ADGRL3: variants seen among roughly 807,000 people sequenced by gnomAD.
ADGRL3 encodes calcium-independent alpha-latrotoxin receptor 3.
ADGRL3 carries 62 observed loss-of-function variants against 153.5 expected under a neutral mutation model. That is an observed-to-expected ratio of 0.40 (90% confidence interval 0.33 to 0.50). ADGRL3 has a LOEUF of 0.50. ADGRL3 is among the 20% of genes least tolerant of loss of function. The probability of loss-of-function intolerance (pLI) is 0.47; values close to 1 mark genes in which losing one functional copy is unlikely to be tolerated. For synonymous variants in ADGRL3, 710 were observed against 672.5 expected, an observed-to-expected ratio of 1.06 and a Z score of -0.86; for missense variants, 1,641 against 1,859.4, an observed-to-expected ratio of 0.88 and a Z score of 2.16.
chr4:61,833,567 G>C (rs556838279), intron 9 of ADGRL3, among the ~76,000 whole-genome samples: 1 of 152,234 alleles, frequency 6.6e-6, no homozygotes, highest in African/African-American at 2.4e-5. Flanking sequence ...GGGGCCACAA[G>C]ATTAGATGAG....
intron 3 of ADGRL3, among the ~76,000 whole-genome samples, chr4:61,508,045 A>G (rs528178300): frequency 2.6e-5 from 4 of 152,142 alleles, no homozygotes; most frequent in Non-Finnish European, 5.9e-5. Flanking sequence ...TGGTGTTTGG[A>G]AAATCTTACT....
At chr4:61,969,631 T>A (rs2099019635) in intron 17 of ADGRL3, among the ~76,000 whole-genome samples, 1 of 152,072 alleles carries the variant, frequency 6.6e-6, no homozygotes, top group African/African-American at 2.4e-5. Context: ...AGTAGCACAA[T>A]CTTCATACAA....
rs2095933124 is a variant in ADGRL3 at position 61,347,116 on chromosome 4, A to C, written c.-239-36008A>C. Among the ~76,000 whole-genome samples, 4 of 152,140 alleles carry C rather than the reference A, an allele frequency of 2.6e-5. No individual in the cohort carries two copies. The South Asian group carries it at 8.3e-4, about 32-fold the overall frequency. ...TTTCCTAGCACCTTAAATTACATAC[A>C]GTGAGTGTGCTCAGAACCTTAAGTA... On this transcript the variant is annotated intron_variant, in intron 1 of 26. Coordinates refer to ENST00000683033, the MANE Select transcript of ADGRL3 (RefSeq NM_001387552.1).
intron 1 of ADGRL3, among the ~76,000 whole-genome samples, chr4:61,368,080 G>A (rs2096442687): frequency 5.3e-5 from 8 of 151,520 alleles, no homozygotes; most frequent in Admixed American, 4.6e-4. Context: ...CTTTTTGATG[G>A]GGTTGTTTGT....
At chr4:61,401,518 A>G (rs2096929938) in intron 2 of ADGRL3, among the ~76,000 whole-genome samples, 1 of 152,166 alleles carries the variant, frequency 6.6e-6, no homozygotes, top group Non-Finnish European at 1.5e-5. Context: ...CTGTAGGAAC[A>G]TAAAAGCCTG....
chr4:61,882,223 A>G (rs1195104488), intron 9 of ADGRL3, among the ~76,000 whole-genome samples: 2 of 152,210 alleles, frequency 1.3e-5, no homozygotes, highest in Non-Finnish European at 2.9e-5. Flanking sequence ...TAAGAAGGAC[A>G]AATTCATTTC....
intron 1 of ADGRL3, among the ~76,000 whole-genome samples, chr4:61,220,526 C>T (rs534489870): frequency 3.3e-5 from 5 of 152,236 alleles, no homozygotes; most frequent in South Asian, 2.1e-4. Flanking sequence ...ATCTAATACA[C>T]GGGCAGAAGG....
intron 8 of ADGRL3, among the ~76,000 whole-genome samples, chr4:61,759,461 G>C (rs9759648): frequency 6.6e-6 from 1 of 151,982 alleles, no homozygotes; most frequent in Non-Finnish European, 1.5e-5. Flanking sequence ...CAGTTGATCA[G>C]ATCGACTACG....
intron 6 of ADGRL3, among the ~76,000 whole-genome samples, chr4:61,690,010 G>A (rs1580295961): frequency 6.6e-6 from 1 of 152,060 alleles, no homozygotes; most frequent in Admixed American, 6.6e-5. Flanking sequence ...ACATTAAATC[G>A]CTACACACTA....
In ADGRL3 at chr4:61,475,206, G is replaced by A. The variant is rs899851076; in HGVS notation, c.-173-21915G>A. Reference sequence around the variant, plus strand: ...TAGCCTTTATTGCATATCACATGCCGTAAGATGTCTTACTTATTTGTAAAA... The same window carrying A: ...TAGCCTTTATTGCATATCACATGCCATAAGATGTCTTACTTATTTGTAAAA... On this transcript the variant is annotated intron_variant, in intron 2 of 26. Coordinates refer to ENST00000683033, the MANE Select transcript of ADGRL3 (RefSeq NM_001387552.1). 6.6e-5 allele frequency among the ~76,000 whole-genome samples: 10 copies of A among 152,212 alleles called. No individual in the cohort carries two copies. The East Asian group carries it at 9.7e-4, about 15-fold the overall frequency.
chr4:61,939,827 G>C (rs1165394178), intron 15 of ADGRL3, among the ~76,000 whole-genome samples: 3 of 152,028 alleles, frequency 2.0e-5, no homozygotes, highest in Non-Finnish European at 4.4e-5. Context: ...ACCATTTGCT[G>C]TCTCAATTCG....
intron 6 of ADGRL3, among the ~76,000 whole-genome samples, chr4:61,709,033 T>C (rs1036508952): frequency 6.6e-6 from 1 of 152,010 alleles, no homozygotes; most frequent in African/African-American, 2.4e-5. Flanking sequence ...TGGTCTCGAC[T>C]CCTGACCTCA....
At chr4:61,574,229 C>G (rs542514987) in intron 4 of ADGRL3, among the ~76,000 whole-genome samples, 1 of 152,006 alleles carries the variant, frequency 6.6e-6, no homozygotes, top group South Asian at 2.1e-4. Context: ...TTTCGTAAAG[C>G]AGCCATATGT....
At chr4:61,366,696 G>A (rs1423792451) in intron 1 of ADGRL3, among the ~76,000 whole-genome samples, 2 of 152,008 alleles carry the variant, frequency 1.3e-5, no homozygotes, top group African/African-American at 4.8e-5. Context: ...ATTTGCTTTT[G>A]TATTCCATTG....
At chr4:61,793,647 C>G (rs986668389) in intron 8 of ADGRL3, among the ~76,000 whole-genome samples, 1 of 152,074 alleles carries the variant, frequency 6.6e-6, no homozygotes, top group Non-Finnish European at 1.5e-5. Flanking sequence ...AATTTTACCC[C>G]CAGCCTCCAT....
At chr4:61,784,920 C>T (rs928421030) in intron 8 of ADGRL3, among the ~76,000 whole-genome samples, 5 of 152,088 alleles carry the variant, frequency 3.3e-5, no homozygotes, top group African/African-American at 4.8e-5. Context: ...TTCTCAGCCT[C>T]AGTACCCTTA....
chr4:61,971,407 G>A (rs1441415987), intron 17 of ADGRL3, among the ~76,000 whole-genome samples: 1 of 152,092 alleles, frequency 6.6e-6, no homozygotes, highest in Non-Finnish European at 1.5e-5. Flanking sequence ...AACATGTGGT[G>A]TTTGGTTTTT....
intron 21 of ADGRL3, among the ~76,000 whole-genome samples, chr4:62,002,923 T>C (rs940977928): frequency 1.6e-4 from 25 of 152,190 alleles, no homozygotes; most frequent in Admixed American, 9.2e-4. Flanking sequence ...TACTATGACA[T>C]GTGAAACATT....
chr4:61,892,182 CT>C (rs5858738), intron 9 of ADGRL3, among the ~76,000 whole-genome samples: 52,407 of 143,566 alleles, frequency 0.37, 9,167 homozygotes, highest in Non-Finnish European at 0.39. Context: ...TTTCTGTTTC[CT>C]TTTTTTTTTT....
Sources: gnomAD v4.1 joint callset for allele counts (sites outside exome capture counted in the v4.1 genomes callset) on GRCh38, gnomAD v4.1.1 for gene constraint, MANE v1.5 for transcripts, NCBI Gene and HGNC (gene_info 2026-07-23, HGNC 2026-07-21) for gene names.